Variants in PPP2R5E observed in about 807,000 individuals in gnomAD.
PPP2R5E encodes the protein protein phosphatase 2 regulatory subunit B'epsilon, also known as serine/threonine-protein phosphatase 2A 56 kDa regulatory subunit epsilon isoform.
In PPP2R5E, 4 loss-of-function variants were observed where a neutral mutation model predicts 65.3. That is an observed-to-expected ratio of 0.06 (90% CI 0.03 to 0.14). PPP2R5E has a LOEUF of 0.14. Among genes scored for constraint, PPP2R5E ranks in the 10% least tolerant of loss-of-function variants. The pLI is 1.00. For synonymous variants in PPP2R5E, 183 were observed against 187.4 expected (o/e 0.98, Z 0.19); for missense variants, 274 against 556.1 (o/e 0.49, Z 5.10).
At chr14:63,403,139 T>C (rs1323921190) in intron 5 of PPP2R5E, among the ~76,000 whole-genome samples, 1 of 152,052 alleles carries the variant, frequency 6.6e-6, no homozygotes, top group African/African-American at 2.4e-5. Flanking sequence ...ATAAAGTATG[T>C]AGGCAGGCAG....
chr14:63,395,400 G>T, intron 6 of PPP2R5E, 115 bp from the exon 7 acceptor site: 1 of 427,462 alleles, frequency 2.3e-6, no homozygotes. Context: ...GGAGGAGGAG[G>T]AGGAGAGCGG....
At chr14:63,515,741 G>A (rs910979776) in intron 2 of PPP2R5E, among the ~76,000 whole-genome samples, 2 of 151,284 alleles carry the variant, frequency 1.3e-5, no homozygotes, top group South Asian at 2.1e-4. Flanking sequence ...GGCTGGTCTC[G>A]AACTCCTGAC....
intron 3 of PPP2R5E, among the ~76,000 whole-genome samples, chr14:63,436,446 CTG>C (rs1206890350): frequency 3.9e-5 from 6 of 152,200 alleles, no homozygotes; most frequent in South Asian, 2.1e-4. Context: ...CTCTTATACT[CTG>C]TGTCTATGTG....
intron 1 of PPP2R5E, among the ~76,000 whole-genome samples, chr14:63,541,182 C>T (rs963741204): frequency 7.2e-5 from 11 of 152,160 alleles, no homozygotes; most frequent in African/African-American, 2.7e-4. Flanking sequence ...GGCTAGATTA[C>T]TTTAAACAAA....
intron 1 of PPP2R5E, among the ~76,000 whole-genome samples, chr14:63,540,593 C>A (rs1893857969): frequency 6.7e-6 from 1 of 150,184 alleles, no homozygotes. Flanking sequence ...CATGGTGGCG[C>A]ATGCCTGTAA....
chr14:63,514,368 C>G (rs1303515973), intron 2 of PPP2R5E, among the ~76,000 whole-genome samples: 1 of 152,164 alleles, frequency 6.6e-6, no homozygotes, highest in Non-Finnish European at 1.5e-5. Context: ...ACCTTTGATA[C>G]TCATGGGTCT....
intron 5 of PPP2R5E, among the ~76,000 whole-genome samples, chr14:63,400,431 A>C (rs960884519): frequency 2.0e-5 from 3 of 152,204 alleles, no homozygotes; most frequent in African/African-American, 7.2e-5. Context: ...GTGGGATATG[A>C]GTGCTCCTCA....
At chr14:63,398,258 T>C (rs1181269829) in intron 5 of PPP2R5E, among the ~76,000 whole-genome samples, 2 of 152,036 alleles carry the variant, frequency 1.3e-5, no homozygotes, top group Non-Finnish European at 2.9e-5. Context: ...CTAAAATTCA[T>C]ATGGAAATGC....
chr14:63,498,674 T>C (rs1255626), intron 2 of PPP2R5E, among the ~76,000 whole-genome samples: 49,260 of 151,784 alleles, frequency 0.32, 12,045 homozygotes, highest in African/African-American at 0.69. Flanking sequence ...TCCTCCCACC[T>C]TGGCTTAACA....
intron 1 of PPP2R5E, among the ~76,000 whole-genome samples, chr14:63,540,585 T>A (rs1192101739): frequency 2.7e-5 from 4 of 146,976 alleles, no homozygotes; most frequent in African/African-American, 1.0e-4. Flanking sequence ...TAGCCAGGCA[T>A]GGTGGCGCAT....
intron 2 of PPP2R5E, among the ~76,000 whole-genome samples, chr14:63,516,706 A>G (rs1385791319): frequency 6.6e-6 from 1 of 152,130 alleles, no homozygotes; most frequent in Non-Finnish European, 1.5e-5. Context: ...CAATTCCCCA[A>G]TCTCCAACCT....
Position 63,448,093 on chromosome 14 carries a change from A to C in PPP2R5E, c.354+5596T>G, listed in dbSNP as rs757694244. Among the ~76,000 whole-genome samples, 97 of 151,768 alleles carry C rather than the reference A, an allele frequency of 6.4e-4. 1 individual carries two copies. The highest frequency in any genetic ancestry group is 1.8e-3 in the Admixed American group (28 of 15,248). On this transcript the variant is annotated intron_variant, in intron 3 of 13. Coordinates refer to ENST00000337537, the MANE Select transcript of PPP2R5E (RefSeq NM_006246.5). Reference sequence around the variant, plus strand: ...TGGGTGGATCACAAGGTCAGGAGATAGAGACCATCCTGGCTAACATGGTGA... The same window carrying C: ...TGGGTGGATCACAAGGTCAGGAGATCGAGACCATCCTGGCTAACATGGTGA...
At chr14:63,475,356 G>A (rs1957045) in intron 2 of PPP2R5E, among the ~76,000 whole-genome samples, 43,690 of 152,032 alleles carry the variant, frequency 0.29, 7,609 homozygotes, top group African/African-American at 0.49. Context: ...CAGAACACAC[G>A]TACCACATGA....
rs1470341871 is a variant in PPP2R5E at position 63,453,842 on chromosome 14, A to C, written c.201T>G (p.Leu67=). 6.3e-7 allele frequency: 1 copy of C among 1,581,574 alleles called. No individual in the cohort carries two copies. The highest frequency in any genetic ancestry group is 1.9e-5 in the Admixed American group (1 of 53,238). Residue 67 remains leucine, a synonymous_variant, in exon 3 of 14, where the codon CTT becomes CTG. Coordinates refer to ENST00000337537, the MANE Select transcript of PPP2R5E (RefSeq NM_006246.5). ...AGTCAAAAATGACACAGCACTGCTG[A>C]AGTTTCTTTAGGAACAGTTCAGGCT... ...SEQPELFLKK[L]QQCCVIFDFM...
intron 11 of PPP2R5E, among the ~76,000 whole-genome samples, chr14:63,387,661 T>C (rs1158633806): frequency 6.6e-6 from 1 of 152,106 alleles, no homozygotes; most frequent in Non-Finnish European, 1.5e-5. Context: ...CCAAATAATT[T>C]AAAATCCTTT....
chr14:63,380,429 G>A (rs112943699), intron 13 of PPP2R5E, among the ~76,000 whole-genome samples: 3,611 of 152,158 alleles, frequency 0.024, 94 homozygotes, highest in African/African-American at 0.065. Flanking sequence ...TTGGGAGGCC[G>A]AGGCAGGTGG....
intron 2 of PPP2R5E, among the ~76,000 whole-genome samples, chr14:63,469,643 G>A (rs941130915): frequency 6.6e-5 from 10 of 152,324 alleles, no homozygotes; most frequent in African/African-American, 2.2e-4. Context: ...GCAGTGAGCC[G>A]AGATCGTGCC....
chr14:63,485,195 TTAAA>T (rs137886836), intron 2 of PPP2R5E, among the ~76,000 whole-genome samples: 2,438 of 143,780 alleles, frequency 0.017, 54 homozygotes, highest in African/African-American at 0.061. Flanking sequence ...CTATACTCAT[TTAAA>T]AAAAAAAAAA....
rs116923067 is a variant in PPP2R5E, at chr14:63,388,795, G to A, written c.1074+817C>T. Among the ~76,000 whole-genome samples the A allele has an allele frequency of 5.9e-5, 9 of 152,310 alleles. No individual in the cohort carries two copies. In the East Asian group the frequency reaches 1.2e-3, roughly 20 times the overall value. On this transcript the variant is annotated intron_variant, in intron 11 of 13. Coordinates refer to ENST00000337537, the MANE Select transcript of PPP2R5E (RefSeq NM_006246.5). ...AAAAAGTCCGCCATCAAATGACACC[G>A]TTAGAGGTCTGGTTCTGCGCTAAGA... is the stretch of plus-strand genomic sequence containing the variant.
Sources: allele counts gnomAD v4.1 joint callset (sites outside exome capture counted in the v4.1 genomes callset), GRCh38; gene constraint gnomAD v4.1.1; transcripts MANE v1.5; gene names NCBI Gene and HGNC (gene_info 2026-07-23, HGNC 2026-07-21).